Variants in RGS7BP observed in about 807,000 individuals in gnomAD.
RGS7BP encodes the protein regulator of G protein signaling 7-binding protein.
Under a neutral mutation model 31.3 loss-of-function variants are expected in RGS7BP, and 9 were observed. That is an observed-to-expected ratio of 0.29 (90% CI 0.17 to 0.50). The LOEUF is 0.50. RGS7BP is among the 20% of genes least tolerant of loss of function. RGS7BP has a pLI of 0.98. For synonymous variants in RGS7BP, 115 were observed against 120.1 expected, an observed-to-expected ratio of 0.96 and a Z score of 0.28; for missense variants, 274 against 322.0, an observed-to-expected ratio of 0.85 and a Z score of 1.14.
At position 64,609,518 on chromosome 5, in the gene RGS7BP, C is replaced by T. The variant is rs549080079; in HGVS notation, c.*266C>T. 4 of 419,952 alleles carry T rather than the reference C, an allele frequency of 9.5e-6. No individual in the cohort carries two copies. In the Admixed American group the frequency reaches 1.1e-4, roughly 11 times the overall value. 26.0% of individuals were successfully genotyped at this position (419,952 alleles called of 1,614,324 possible). On this transcript the variant is annotated 3_prime_UTR_variant, in exon 6 of 6. Transcript: ENST00000334025. ...CATTGTGCATGTCTGCTCCAAACCA[C>T]GCCATGACAGATGCAAGAATTATGA... is the stretch of plus-strand genomic sequence containing the variant.
chr5:64,590,634 A>C (rs1742888315), intron 3 of RGS7BP, among the ~76,000 whole-genome samples: 1 of 152,186 alleles, frequency 6.6e-6, no homozygotes, highest in African/African-American at 2.4e-5. Context: ...AAAGTCTTAC[A>C]TGATAGTAAT....
At chr5:64,577,233 T>C (rs1017644527) in intron 3 of RGS7BP, among the ~76,000 whole-genome samples, 1 of 151,780 alleles carries the variant, frequency 6.6e-6, no homozygotes, top group Non-Finnish European at 1.5e-5. Context: ...GGTCAGGAGA[T>C]TGAGACCATC....
chr5:64,597,512 C>T (rs937343130), intron 4 of RGS7BP, among the ~76,000 whole-genome samples: 1 of 151,720 alleles, frequency 6.6e-6, no homozygotes, highest in Non-Finnish European at 1.5e-5. Context: ...TTTCATTATT[C>T]CAAGTCAATG....
chr5:64,529,649 A>G lies in RGS7BP; in HGVS notation c.332+21772A>G, dbSNP rs114542741. Among the ~76,000 whole-genome samples, 1,212 of 152,226 alleles carry G rather than the reference A, an allele frequency of 8.0e-3. 18 individuals carry two copies. Among genetic ancestry groups the G allele is most frequent in the African/African-American group, 0.026 (1,095 of 41,538 alleles). On this transcript the variant is annotated intron_variant, in intron 2 of 5. Coordinates refer to ENST00000334025, the MANE Select transcript of RGS7BP (RefSeq NM_001029875.3). ...GCCTGGGTTCCAGAATTTTTAAAAT[A>G]CCTCCAGGTGTTTCTGATATGCAGA...
chr5:64,609,279 A>T lies in RGS7BP; in HGVS notation c.*27A>T, dbSNP rs1423941905. 1 of 1,324,912 alleles carries T rather than the reference A, an allele frequency of 7.5e-7. No homozygotes were observed. Among genetic ancestry groups the T allele is most frequent in the East Asian group, 2.3e-5 (1 of 43,638 alleles). The allele number at this position is 1,324,912 out of a possible 1,614,324, so 82.1% of individuals were successfully genotyped here. A position where few individuals can be genotyped will look rare whatever the true frequency, so the allele number is the denominator to read the frequency against. ...TGGCTCCTCCTGGAAACCCACTGAG[A>T]ACATCTGAAAAAAAATCACAAAACC... On this transcript the variant is annotated 3_prime_UTR_variant, in exon 6 of 6. Coordinates refer to ENST00000334025, the MANE Select transcript of RGS7BP (RefSeq NM_001029875.3).
intron 3 of RGS7BP, among the ~76,000 whole-genome samples, chr5:64,582,796 G>A (rs578246457): frequency 6.6e-6 from 1 of 152,174 alleles, no homozygotes; most frequent in African/African-American, 2.4e-5. Context: ...AATAAAATAT[G>A]AGCAGTAAAA....
Position 64,553,171 on chromosome 5 carries a change from C to CTTTTTTTTTTT in RGS7BP, c.333-22594_333-22584dup, listed in dbSNP as rs542252038. Among the ~76,000 whole-genome samples, 4 of 118,236 alleles carry CTTTTTTTTTTT rather than the reference C, an allele frequency of 3.4e-5. 1 individual carries two copies. The highest frequency in any genetic ancestry group is 6.4e-5 in the African/African-American group (2 of 31,208). The allele number at this position is 118,236 out of a possible 152,430, so 77.6% of individuals were successfully genotyped here. On this transcript the variant is annotated intron_variant, in intron 2 of 5. Transcript: ENST00000334025. ...TAGGACTTCCTTCCTTTCTTTCTTT[C>CTTTTTTTTTTT]TTTTTTTTTTTTTTTTTTTGAAACG...
chr5:64,515,997 T>C (rs930518932), intron 2 of RGS7BP, among the ~76,000 whole-genome samples: 1 of 151,978 alleles, frequency 6.6e-6, no homozygotes, highest in African/African-American at 2.4e-5. Flanking sequence ...GAGACTGGGG[T>C]CTTGCTATAT....
intron 2 of RGS7BP, among the ~76,000 whole-genome samples, chr5:64,509,787 G>A (rs1388962499): frequency 2.0e-5 from 3 of 152,052 alleles, no homozygotes; most frequent in Admixed American, 2.0e-4. Flanking sequence ...AAGAATTAGT[G>A]GGAAAATAAG....
intron 2 of RGS7BP, among the ~76,000 whole-genome samples, chr5:64,521,351 G>A (rs567103103): frequency 3.3e-5 from 5 of 152,084 alleles, no homozygotes; most frequent in Non-Finnish European, 5.9e-5. Flanking sequence ...TCCGTCTCCC[G>A]GGTTCAAGGA....
At chr5:64,568,361 G>A (rs1356304020) in intron 2 of RGS7BP, among the ~76,000 whole-genome samples, 1 of 152,064 alleles carries the variant, frequency 6.6e-6, no homozygotes. Flanking sequence ...AACATTAAGA[G>A]AATCAAAGGG....
In RGS7BP at chr5:64,606,033, T is replaced by G. The variant is rs1161367683; in HGVS notation, c.683-3128T>G. Among the ~76,000 whole-genome samples, 138 of 119,582 alleles carry G rather than the reference T, an allele frequency of 1.2e-3. 2 individuals carry two copies. The highest frequency in any genetic ancestry group is 1.9e-3 in the Non-Finnish European group (103 of 53,976). 78.5% of individuals were successfully genotyped at this position (119,582 alleles called of 152,430 possible). On this transcript the variant is annotated intron_variant, in intron 5 of 5. Coordinates refer to ENST00000334025, the MANE Select transcript of RGS7BP (RefSeq NM_001029875.3). ...GTATATCTGGATACATATATATATA[T>G]ATATATAGAGAGAGAGAGAGAGAGA...
At chr5:64,570,943 GT>G (rs937660520) in intron 2 of RGS7BP, among the ~76,000 whole-genome samples, 2 of 151,670 alleles carry the variant, frequency 1.3e-5, no homozygotes, top group East Asian at 1.9e-4. Flanking sequence ...TTGCTTTTGG[GT>G]TTTTTTTAAG....
chr5:64,556,824 AT>A (rs1411693178), intron 2 of RGS7BP, among the ~76,000 whole-genome samples: 4 of 151,860 alleles, frequency 2.6e-5, no homozygotes, highest in African/African-American at 9.7e-5. Context: ...AAAAAAAAAA[AT>A]CTCTGTGTGT....
Position 64,604,296 on chromosome 5 carries a change from C to T in RGS7BP, c.683-4865C>T, listed in dbSNP as rs573516976. Among the ~76,000 whole-genome samples the T allele has an allele frequency of 5.3e-5, 8 of 152,280 alleles. No individual in the cohort carries two copies. The East Asian group carries it at 1.5e-3, about 29-fold the overall frequency. ...AGGGCCTCCGTGAATCTTCCATAAA[C>T]ATCTTTTTCCTTCTCCTCCAAATGG... On this transcript the variant is annotated intron_variant, in intron 5 of 5. Transcript: ENST00000334025.
chr5:64,549,485 C>T (rs1259676443), intron 2 of RGS7BP, among the ~76,000 whole-genome samples: 1 of 152,234 alleles, frequency 6.6e-6, no homozygotes, highest in Admixed American at 6.5e-5. Context: ...AGGCACAGGC[C>T]ATCTGGCCTG....
chr5:64,608,820 T>C (rs1405792625), intron 5 of RGS7BP, among the ~76,000 whole-genome samples: 1 of 152,036 alleles, frequency 6.6e-6, no homozygotes, highest in Non-Finnish European at 1.5e-5. Context: ...AACTGAAAGA[T>C]TGCCTCTAAG....
chr5:64,570,035 C>T (rs1331615270), intron 2 of RGS7BP, among the ~76,000 whole-genome samples: 1 of 152,048 alleles, frequency 6.6e-6, no homozygotes, highest in Non-Finnish European at 1.5e-5. Flanking sequence ...TCTGTCATCA[C>T]TAAATTATGT....
intron 2 of RGS7BP, among the ~76,000 whole-genome samples, chr5:64,554,134 C>A (rs75278752): frequency 3.9e-5 from 6 of 152,144 alleles, no homozygotes; most frequent in Non-Finnish European, 8.8e-5. Flanking sequence ...TTGGCTTGGT[C>A]AATCGGGAAC....
Sources: allele counts gnomAD v4.1 joint callset (sites outside exome capture counted in the v4.1 genomes callset), GRCh38; gene constraint gnomAD v4.1.1; transcripts MANE v1.5; gene names NCBI Gene and HGNC (gene_info 2026-07-23, HGNC 2026-07-21).